Variants in ALG14 observed in about 807,000 individuals in gnomAD.
The protein encoded by ALG14 is ALG14 UDP-N-acetylglucosaminyltransferase subunit, also known as UDP-N-acetylglucosamine transferase subunit ALG14.
A neutral mutation model predicts 22.8 loss-of-function variants in ALG14; 17 were observed. The ratio of observed to expected loss-of-function variants is 0.75; its 90% CI spans 0.51 to 1.12. ALG14 has a LOEUF of 1.12. Among genes scored for constraint, ALG14 ranks in the 50% most tolerant of loss-of-function variants. The pLI is 0.00. For synonymous variants in ALG14, 89 were observed against 103.7 expected (o/e 0.86, Z 0.86); for missense variants, 288 against 271.8 (o/e 1.06, Z -0.42).
intron 2 of ALG14, among the ~76,000 whole-genome samples, chr1:95,038,805 A>C (rs1674286905): frequency 7.0e-6 from 1 of 142,796 alleles, no homozygotes. Flanking sequence ...TGCATCCTTG[A>C]CCTCCTGGGC....
At position 94,977,771 on chromosome 1, in the gene ALG14, C is replaced by T. The variant is rs548103689; in HGVS notation, c.*5305G>A. 1 of 152,112 alleles carries T rather than the reference C, an allele frequency of 6.6e-6. No homozygotes were observed. Among genetic ancestry groups the T allele is most frequent in the East Asian group, 1.9e-4 (1 of 5,150 alleles). 9.4% of individuals were successfully genotyped at this position (152,112 alleles called of 1,614,324 possible). On this transcript the variant is annotated 3_prime_UTR_variant, in exon 4 of 4. Coordinates refer to ENST00000370205, the MANE Select transcript of ALG14 (RefSeq NM_144988.4). ...TCAAGTGATCCTACCACCTCAGCCT[C>T]CCAAGTAGCTGGAACTATAGGTGTG...
chr1:95,064,301 G>C (rs1050770046), intron 2 of ALG14, among the ~76,000 whole-genome samples: 3 of 152,160 alleles, frequency 2.0e-5, no homozygotes, highest in Non-Finnish European at 2.9e-5. Flanking sequence ...GCCCTGGCCA[G>C]AACTTCCAAT....
intron 2 of ALG14, among the ~76,000 whole-genome samples, chr1:95,042,989 A>C (rs980476721): frequency 1.3e-5 from 2 of 152,008 alleles, no homozygotes; most frequent in African/African-American, 2.4e-5. Flanking sequence ...TGAGTTCTTC[A>C]ATGTGATCTT....
At chr1:95,036,519 C>G (rs1280170036) in intron 2 of ALG14, among the ~76,000 whole-genome samples, 1 of 141,328 alleles carries the variant, frequency 7.1e-6, no homozygotes, top group African/African-American at 2.7e-5. Flanking sequence ...CTCCACAACC[C>G]AAATTCAAGC....
intron 2 of ALG14, among the ~76,000 whole-genome samples, chr1:95,028,395 C>G (rs886738034): frequency 6.6e-6 from 1 of 152,140 alleles, no homozygotes; most frequent in African/African-American, 2.4e-5. Flanking sequence ...GACAGGTTCT[C>G]GCCATGTTGC....
chr1:94,986,048 T>C (rs1358042078), intron 3 of ALG14, among the ~76,000 whole-genome samples: 2 of 152,222 alleles, frequency 1.3e-5, no homozygotes, highest in African/African-American at 4.8e-5. Context: ...CCAGAGAGAC[T>C]TATTCCAAGC....
At chr1:94,992,001 C>A (rs935959373) in intron 3 of ALG14, among the ~76,000 whole-genome samples, 1 of 151,552 alleles carries the variant, frequency 6.6e-6, no homozygotes, top group African/African-American at 2.4e-5. Flanking sequence ...GCCACTAACA[C>A]GCATGGAGCT....
chr1:95,068,116 T>C (rs1675435706), intron 1 of ALG14, among the ~76,000 whole-genome samples: 1 of 152,200 alleles, frequency 6.6e-6, no homozygotes, highest in African/African-American at 2.4e-5. Context: ...GCAAGCACCA[T>C]ACTATGAGGG....
chr1:95,009,224 T>C lies in ALG14; in HGVS notation c.420+17905A>G, dbSNP rs144149325. 3.2e-3 allele frequency among the ~76,000 whole-genome samples: 475 copies of C among 150,122 alleles called. 3 individuals carry two copies. The highest frequency in any genetic ancestry group is 0.011 in the African/African-American group (449 of 41,308). The stretch of plus-strand genomic sequence containing the variant: ...TTTTTATTTTTATATTTATAAAATA[T>C]TATATATTTTATTTATAATCATGTT... On this transcript the variant is annotated intron_variant, in intron 3 of 3. Transcript: ENST00000370205.
At chr1:94,983,591 A>G (rs1034862280) in intron 3 of ALG14, 8 of 394,648 alleles carry the variant, frequency 2.0e-5, no homozygotes, top group African/African-American at 1.6e-4. Flanking sequence ...GTCAGCACTC[A>G]TCGGACAGGC....
At chr1:95,000,777 T>TAAAAAAAA (rs56810994) in intron 3 of ALG14, among the ~76,000 whole-genome samples, 1 of 65,208 alleles carries the variant, frequency 1.5e-5, no homozygotes, top group Non-Finnish European at 3.1e-5. Flanking sequence ...TATGCCACAC[T>TAAAAAAAA]AAAAAAAAAA....
chr1:95,025,726 C>A (rs953460244), intron 3 of ALG14, among the ~76,000 whole-genome samples: 1 of 152,186 alleles, frequency 6.6e-6, no homozygotes, highest in Non-Finnish European at 1.5e-5. Flanking sequence ...CTCAACCAAC[C>A]TTTGCTACCT....
Position 94,983,293 on chromosome 1 carries a change from C to A in ALG14, c.434G>T (p.Gly145Val). Residue 145 changes from glycine (G) to valine (V), a missense_variant, in exon 4 of 4, where the codon GGA becomes GTA. Coordinates refer to ENST00000370205, the MANE Select transcript of ALG14 (RefSeq NM_144988.4). ...RVKPDLVLCN[G>V]PGTCVPICVS... ...ACAGATAGGAACACATGTTCCTGGT[C>A]CGTTACACAACACCTGAAAGAAAAA... 2 of 1,613,568 alleles carry A rather than the reference C, an allele frequency of 1.2e-6. No homozygotes were observed. The highest frequency in any genetic ancestry group is 2.2e-5 in the South Asian group (2 of 90,990).
chr1:95,059,871 A>G (rs907481129), intron 2 of ALG14, among the ~76,000 whole-genome samples: 7 of 151,968 alleles, frequency 4.6e-5, no homozygotes, highest in Non-Finnish European at 1.0e-4. Flanking sequence ...TGGACAGTGC[A>G]GGTCTAGATT....
chr1:95,052,442 T>A lies in ALG14; in HGVS notation c.288+12424A>T, dbSNP rs560422969. On this transcript the variant is annotated intron_variant, in intron 2 of 3. Coordinates refer to ENST00000370205, the MANE Select transcript of ALG14 (RefSeq NM_144988.4). ...CAGTTAAAACATTCTCAACACCTTG[T>A]TTAAGATGACAGCAAGAATGAGAAA... Among the ~76,000 whole-genome samples the A allele has an allele frequency of 8.5e-4, 129 of 152,312 alleles. 1 individual carries two copies. Among genetic ancestry groups the A allele is most frequent in the Admixed American group, 3.5e-3 (53 of 15,306 alleles).
intron 2 of ALG14, among the ~76,000 whole-genome samples, chr1:95,044,129 G>A (rs2100802338): frequency 6.6e-6 from 1 of 152,278 alleles, no homozygotes; most frequent in African/African-American, 2.4e-5. Flanking sequence ...TTTCTGCCAT[G>A]AAATTCTGTT....
At chr1:95,068,480 G>A (rs1424511732) in intron 1 of ALG14, among the ~76,000 whole-genome samples, 1 of 152,014 alleles carries the variant, frequency 6.6e-6, no homozygotes, top group Non-Finnish European at 1.5e-5. Flanking sequence ...AGTAGAGATG[G>A]GGTTTTGCCA....
chr1:95,028,242 G>A (rs977773516), intron 2 of ALG14, among the ~76,000 whole-genome samples: 4 of 152,042 alleles, frequency 2.6e-5, no homozygotes, highest in African/African-American at 9.7e-5. Flanking sequence ...TGACCTCCCT[G>A]GGCTCAGGTG....
intron 3 of ALG14, among the ~76,000 whole-genome samples, chr1:95,002,718 G>A (rs927996853): frequency 6.6e-6 from 1 of 152,128 alleles, no homozygotes; most frequent in Admixed American, 6.6e-5. Context: ...TTAAAGCAAC[G>A]ATAGTATCTA....
Sources: allele counts gnomAD v4.1 joint callset (sites outside exome capture counted in the v4.1 genomes callset), GRCh38; gene constraint gnomAD v4.1.1; transcripts MANE v1.5; gene names NCBI Gene and HGNC (gene_info 2026-07-23, HGNC 2026-07-21).